Variants in AHCTF1 observed in about 807,000 individuals in gnomAD.
AHCTF1 encodes the protein AT-hook containing transcription factor 1.
Under a neutral mutation model 248.4 loss-of-function variants are expected in AHCTF1, and 24 were observed. The ratio of observed to expected loss-of-function variants is 0.10; its 90% CI spans 0.07 to 0.14. The LOEUF (loss-of-function observed/expected upper bound fraction) is 0.14, where lower values mean the gene tolerates loss of function less well. Ranked by LOEUF, AHCTF1 falls within the 10% of genes least tolerant of loss-of-function variation. The pLI is 1.00. For synonymous variants in AHCTF1, 786 were observed against 929.8 expected (o/e 0.85, Z 2.81); for missense variants, 2,206 against 2,636.2 (o/e 0.84, Z 3.57).
chr1:246,898,106 T>C, intron 12 of AHCTF1, 102 bp downstream of exon 12: 1 of 1,508,952 alleles, frequency 6.6e-7, no homozygotes. Context: ...ATTACACTAC[T>C]TCACCTATTT....
chr1:246,895,951 A>G (rs761380015), intron 12 of AHCTF1, 26 bp from the exon 13 acceptor site: 1 of 1,575,228 alleles, frequency 6.3e-7, no homozygotes, highest in Non-Finnish European at 8.7e-7. Context: ...CAGAAAGGAA[A>G]GAAATGGAAA....
At chr1:246,844,236 C>G (rs150790555) in intron 33 of AHCTF1, among the ~76,000 whole-genome samples, 1 of 152,298 alleles carries the variant, frequency 6.6e-6, no homozygotes, top group East Asian at 1.9e-4. Context: ...CCGTACTGCT[C>G]CTCAAGCATT....
chr1:246,839,289 T>C lies in AHCTF1; in HGVS notation c.*1517A>G, dbSNP rs1314393102. ...ACACATCTATATTCACCAAATTGCG[T>C]TGGTTTAAAAAAGTATTAACTTGAC... On this transcript the variant is annotated 3_prime_UTR_variant, in exon 36 of 36. Transcript: ENST00000648844. 1 of 153,292 alleles carries C rather than the reference T, an allele frequency of 6.5e-6. No homozygotes were observed. Among genetic ancestry groups the C allele is most frequent in the African/African-American group, 2.4e-5 (1 of 41,480 alleles). The allele number at this position is 153,292 out of a possible 1,614,324, so 9.5% of individuals were successfully genotyped here. A position where few individuals can be genotyped will look rare whatever the true frequency, so the allele number is the denominator to read the frequency against.
intron 1 of AHCTF1, among the ~76,000 whole-genome samples, chr1:246,927,731 G>A (rs552896494): frequency 9.2e-5 from 14 of 152,346 alleles, no homozygotes; most frequent in South Asian, 8.3e-4. Flanking sequence ...ATGGCCGGGC[G>A]CGGTAGCTCA....
At chr1:246,868,031 C>T (rs12088097) in intron 24 of AHCTF1, among the ~76,000 whole-genome samples, 4,027 of 151,364 alleles carry the variant, frequency 0.027, 201 homozygotes, top group African/African-American at 0.094. Flanking sequence ...GGCATGATCT[C>T]GGCTCACTGC....
chr1:246,898,079 G>A, intron 12 of AHCTF1, 129 bp downstream of exon 12: 1 of 1,298,374 alleles, frequency 7.7e-7, no homozygotes, highest in Non-Finnish European at 1.1e-6. Flanking sequence ...CACAACTGCT[G>A]ATCACCCAGA....
At chr1:246,879,564 C>T (rs1663241276) in intron 21 of AHCTF1, among the ~76,000 whole-genome samples, 1 of 152,140 alleles carries the variant, frequency 6.6e-6, no homozygotes, top group Non-Finnish European at 1.5e-5. Context: ...CAGCTCAAGC[C>T]TGTAATCCCA....
rs947651993 is a variant in AHCTF1, at chr1:246,864,354, C to T, written c.3348-238G>A. Reference sequence around the variant, plus strand: ...ATTTTTAAAAAGAGTTTGCGTCGTCCTCCTTCCCTTTACCTATATTTACTG... The same window carrying T: ...ATTTTTAAAAAGAGTTTGCGTCGTCTTCCTTCCCTTTACCTATATTTACTG... On this transcript the variant is annotated intron_variant, in intron 26 of 35. Coordinates refer to ENST00000648844, the MANE Select transcript of AHCTF1 (RefSeq NM_001323342.2). The T allele has an allele frequency of 1.3e-5, 5 of 391,144 alleles. No homozygotes were observed. In the Admixed American group the frequency reaches 2.2e-4, roughly 17 times the overall value. 24.2% of individuals were successfully genotyped at this position (391,144 alleles called of 1,614,324 possible).
At position 246,850,898 on chromosome 1, in the gene AHCTF1, T is replaced by C; in HGVS notation, c.5108A>G (p.Asn1703Ser). ...IHETIPLVSQ[N>S]IMCPTKLVKS... ...GACCAATTTAGTGGGACACATTATG[T>C]TTTGGCTCACTAAAGGTATTGTTTC... The change falls in exon 33 of 36, where the codon AAC (asparagine) becomes AGC (serine). Residue 1703 changes from asparagine to serine, a missense_variant. This residue lies in a region of AHCTF1 where 955 missense variants were observed against 1,055.6 expected (regional missense o/e 0.90). Transcript: ENST00000648844. 6.2e-7 allele frequency: 1 copy of C among 1,613,998 alleles called. No homozygotes were observed. Among genetic ancestry groups the C allele is most frequent in the Non-Finnish European group, 8.5e-7 (1 of 1,179,872 alleles).
intron 1 of AHCTF1, among the ~76,000 whole-genome samples, chr1:246,922,019 T>A (rs1184559982): frequency 6.6e-6 from 1 of 152,210 alleles, no homozygotes; most frequent in East Asian, 1.9e-4. Flanking sequence ...CCTGAGAGAA[T>A]AAAGATACAT....
At chr1:246,888,062 T>C in intron 19 of AHCTF1, 115 bp downstream of exon 19, 1 of 1,150,572 alleles carries the variant, frequency 8.7e-7, no homozygotes, top group South Asian at 1.5e-5. Flanking sequence ...CACCTCTTCT[T>C]AAGAAAACAA....
At chr1:246,915,604 A>G (rs1034525966) in intron 3 of AHCTF1, among the ~76,000 whole-genome samples, 2 of 152,162 alleles carry the variant, frequency 1.3e-5, no homozygotes, top group Non-Finnish European at 2.9e-5. Context: ...TATTCACTAT[A>G]TTTATGCTAG....
intron 29 of AHCTF1, 137 bp downstream of exon 29, chr1:246,860,762 T>A: frequency 8.5e-7 from 1 of 1,180,872 alleles, no homozygotes; most frequent in Non-Finnish European, 1.2e-6. Context: ...AGCCTCAGCC[T>A]CCCAAAGTGC....
chr1:246,843,495 T>A (rs549546776), intron 34 of AHCTF1, among the ~76,000 whole-genome samples: 1 of 152,282 alleles, frequency 6.6e-6, no homozygotes, highest in East Asian at 1.9e-4. Flanking sequence ...ACCCAGGTAA[T>A]TCTGATGGAC....
At chr1:246,867,567 A>G in intron 25 of AHCTF1, 94 bp downstream of exon 25, 1 of 1,467,684 alleles carries the variant, frequency 6.8e-7, no homozygotes. Context: ...ACACTAATAA[A>G]CTTAGGCAAA....
chr1:246,846,603 TA>T (rs1392281203), intron 33 of AHCTF1, among the ~76,000 whole-genome samples: 1 of 152,030 alleles, frequency 6.6e-6, no homozygotes, highest in African/African-American at 2.4e-5. Flanking sequence ...TTTTTAATAT[TA>T]AAAAATCTGA....
chr1:246,924,292 T>C (rs1666779059), intron 1 of AHCTF1, among the ~76,000 whole-genome samples: 1 of 152,228 alleles, frequency 6.6e-6, no homozygotes, highest in Non-Finnish European at 1.5e-5. Context: ...TAACTATTTC[T>C]AAAAATTAGC....
rs546291771 is a variant in AHCTF1 at position 246,885,113 on chromosome 1, T to G, written c.2660+380A>C. 1.1e-4 allele frequency among the ~76,000 whole-genome samples: 17 copies of G among 152,332 alleles called. No individual in the cohort carries two copies. The South Asian group carries it at 3.1e-3, about 28-fold the overall frequency. ...TTATCTTATTCTAGATAAAAGGTGTTGTATGTTTTTCTTAACATTGGAAGA... is the reference window on the plus strand; with the variant it reads ...TTATCTTATTCTAGATAAAAGGTGTGGTATGTTTTTCTTAACATTGGAAGA... On this transcript the variant is annotated intron_variant, in intron 21 of 35. Transcript: ENST00000648844.
rs371107812 is a variant in AHCTF1 at position 246,857,753 on chromosome 1, C to G, written c.4194G>C (p.Leu1398Phe). Residue 1398 changes from leucine to phenylalanine, a missense_variant, in exon 30 of 36, where the codon TTG (leucine) becomes TTC (phenylalanine). Physicochemically the swap from Leu to Phe is conservative, Grantham distance 22. This residue lies in a region of AHCTF1 where 955 missense variants were observed against 1,055.6 expected (regional missense o/e 0.90). Transcript: ENST00000648844. ...LLVAAEAFSE[L>F]NHLSPVQGTE... ...TTCCTTGAACCGGGCTTAAGTGATT[C>G]AATTCTGAAAATGCCTCTGCTGCAA... The G allele has an allele frequency of 3.0e-4, 491 of 1,613,836 alleles. No homozygotes were observed. The highest frequency in any genetic ancestry group is 4.0e-4 in the Non-Finnish European group (470 of 1,179,950).
Sources: allele counts gnomAD v4.1 joint callset (sites outside exome capture counted in the v4.1 genomes callset), GRCh38; gene constraint gnomAD v4.1.1; regional missense constraint gnomAD v4.1.1; transcripts MANE v1.5; gene names NCBI Gene and HGNC (gene_info 2026-07-23, HGNC 2026-07-21).